Variants in SLC12A2 observed in about 807,000 individuals in gnomAD.
The protein encoded by SLC12A2 is solute carrier family 12 member 2, also known as Na-K-2Cl cotransporter 1.
A neutral mutation model predicts 136.3 loss-of-function variants in SLC12A2; 67 were observed. The observed-to-expected ratio is 0.49, with a 90% CI of 0.40 to 0.60. The LOEUF (loss-of-function observed/expected upper bound fraction) is 0.60, where lower values mean the gene tolerates loss of function less well. Ranked by LOEUF, SLC12A2 falls within the 20% of genes least tolerant of loss-of-function variation. The probability of loss-of-function intolerance (pLI) is 0.00; values close to 1 mark genes in which losing one functional copy is unlikely to be tolerated. For synonymous variants in SLC12A2, 619 were observed against 562.9 expected, an observed-to-expected ratio of 1.10 and a Z score of -1.41; for missense variants, 1,322 against 1,534.7, an observed-to-expected ratio of 0.86 and a Z score of 2.32.
intron 6 of SLC12A2, 101 bp from the exon 7 acceptor site, chr5:128,135,599 G>T: frequency 2.5e-6 from 2 of 788,146 alleles, no homozygotes; most frequent in South Asian, 3.3e-5. Context: ...GGCAAAACAA[G>T]ACAGAAATTC....
chr5:128,102,732 C>T (rs1388085284), intron 1 of SLC12A2, among the ~76,000 whole-genome samples: 1 of 150,322 alleles, frequency 6.7e-6, no homozygotes, highest in East Asian at 2.0e-4. Flanking sequence ...CTGGCCTCAG[C>T]CTCCCAAGTA....
In SLC12A2 at chr5:128,126,967, T is replaced by TA. The variant is rs1491322749; in HGVS notation, c.1049-4100_1049-4099insA. ...ATATATATATATATATATATATATA[T>TA]TTTTTTTTTTTTTTTTTTTTGCATC... On this transcript the variant is annotated intron_variant, in intron 4 of 26. Coordinates refer to ENST00000262461, the MANE Select transcript of SLC12A2 (RefSeq NM_001046.3). 3.3e-3 allele frequency among the ~76,000 whole-genome samples: 97 copies of TA among 29,570 alleles called. 1 individual carries two copies. The highest frequency in any genetic ancestry group is 0.01 in the African/African-American group (53 of 5,164). 19.4% of individuals were successfully genotyped at this position (29,570 alleles called of 152,430 possible).
chr5:128,161,764 A>T lies in SLC12A2; in HGVS notation c.2580A>T (p.Ala860=), dbSNP rs749957269. The T allele has an allele frequency of 6.6e-7, 1 of 1,504,498 alleles. No individual in the cohort carries two copies. The highest frequency in any genetic ancestry group is 2.6e-5 in the East Asian group (1 of 38,858). The allele number at this position is 1,504,498 out of a possible 1,614,324, so 93.2% of individuals were successfully genotyped here. The part of the protein sequence containing the change: ...KMKAFYAPVH[A]DDLREGAQYL... ...AGGCATTTTATGCTCCAGTACATGCAGATGACTTGAGAGAAGGTGCACAGT... is the reference window on the plus strand; with the variant it reads ...AGGCATTTTATGCTCCAGTACATGCTGATGACTTGAGAGAAGGTGCACAGT... The change falls in exon 17 of 27, where the codon GCA becomes GCT. Residue 860 remains alanine (A), a synonymous_variant. Coordinates refer to ENST00000262461, the MANE Select transcript of SLC12A2 (RefSeq NM_001046.3).
chr5:128,092,885 A>G (rs919722459), intron 1 of SLC12A2, among the ~76,000 whole-genome samples: 1 of 152,156 alleles, frequency 6.6e-6, no homozygotes, highest in Non-Finnish European at 1.5e-5. Context: ...TACTTCTGTT[A>G]AAGAAATTTG....
rs1369730059 is a variant in SLC12A2, at chr5:128,182,262, C to A, written c.3213-593C>A. ...GTTAATTGCTTTTTGTATATATGTG[C>A]ACTTCACCTGTTCTGTTGTTGCCAC... is the stretch of plus-strand genomic sequence containing the variant. On this transcript the variant is annotated intron_variant, in intron 23 of 26. Coordinates refer to ENST00000262461, the MANE Select transcript of SLC12A2 (RefSeq NM_001046.3). Among the ~76,000 whole-genome samples the A allele has an allele frequency of 2.0e-5, 3 of 152,032 alleles. No individual in the cohort carries two copies. In the East Asian group the frequency reaches 5.8e-4, roughly 29 times the overall value.
chr5:128,182,762 C>A, intron 23 of SLC12A2, 93 bp from the exon 24 acceptor site: 2 of 838,868 alleles, frequency 2.4e-6, no homozygotes, highest in Non-Finnish European at 3.8e-6. Flanking sequence ...GATAGACTGA[C>A]TTTTTCTATA....
At chr5:128,125,150 A>G (rs912999916) in intron 4 of SLC12A2, among the ~76,000 whole-genome samples, 1 of 152,360 alleles carries the variant, frequency 6.6e-6, no homozygotes, top group Non-Finnish European at 1.5e-5. Flanking sequence ...TCTTAAAACA[A>G]TAATAAGAGA....
At chr5:128,166,464 G>T (rs575361784) in intron 17 of SLC12A2, among the ~76,000 whole-genome samples, 25 of 151,602 alleles carry the variant, frequency 1.6e-4, no homozygotes, top group Admixed American at 1.2e-3. Context: ...AAACAAATGT[G>T]TGTGTGTGTG....
At chr5:128,176,672 T>C (rs1023853578) in intron 20 of SLC12A2, among the ~76,000 whole-genome samples, 1 of 152,098 alleles carries the variant, frequency 6.6e-6, no homozygotes, top group South Asian at 2.1e-4. Context: ...ACAACAAATA[T>C]CCATTAAATG....
intron 3 of SLC12A2, 103 bp from the exon 4 acceptor site, chr5:128,114,483 A>C (rs991777351): frequency 1.1e-6 from 1 of 870,438 alleles, no homozygotes; most frequent in African/African-American, 1.7e-5. Context: ...GGTAATTTAT[A>C]ACTTAAAATG....
chr5:128,109,273 C>A (rs1761051317), intron 1 of SLC12A2, among the ~76,000 whole-genome samples: 1 of 152,244 alleles, frequency 6.6e-6, no homozygotes, highest in Non-Finnish European at 1.5e-5. Flanking sequence ...TCCCTGGTGA[C>A]CCTCACCTAG....
intron 20 of SLC12A2, among the ~76,000 whole-genome samples, chr5:128,175,199 T>G (rs1185317032): frequency 2.0e-5 from 3 of 152,128 alleles, no homozygotes; most frequent in African/African-American, 7.2e-5. Context: ...AACATACTTT[T>G]GATTCCTGCA....
chr5:128,171,644 ATTTTTTGT>A lies in SLC12A2; in HGVS notation c.2724-13_2724-6del. Reference sequence around the variant, plus strand: ...TTGTGATTTTTTTTTTGGTTTTTTCATTTTTTGTTTTTTTGTTCTTAGTGATGCTTTTG... The same window carrying A: ...TTGTGATTTTTTTTTTGGTTTTTTCATTTTTTGTTCTTAGTGATGCTTTTG... On this transcript the variant is annotated splice_polypyrimidine_tract_variant and intron_variant, in intron 18 of 26. Transcript: ENST00000262461. 6.6e-7 allele frequency: 1 copy of A among 1,522,596 alleles called. No homozygotes were observed. Among genetic ancestry groups the A allele is most frequent in the Non-Finnish European group, 8.9e-7 (1 of 1,128,296 alleles). 94.3% of individuals were successfully genotyped at this position (1,522,596 alleles called of 1,614,324 possible). A position where few individuals can be genotyped will look rare whatever the true frequency, so the allele number is the denominator to read the frequency against.
rs1760808618 is a variant in SLC12A2, at chr5:128,103,224, T to C, written c.757-9590T>C. Among the ~76,000 whole-genome samples, 4 of 152,240 alleles carry C rather than the reference T, an allele frequency of 2.6e-5. No individual in the cohort carries two copies. The South Asian group carries it at 8.3e-4, about 32-fold the overall frequency. On this transcript the variant is annotated intron_variant, in intron 1 of 26. Transcript: ENST00000262461. The stretch of plus-strand genomic sequence containing the variant: ...TCTCACCGGGATCATATGAGAGTTT[T>C]TGTGTTCTGTACAATTATTGTATTT...
chr5:128,184,821 A>G lies in SLC12A2; in HGVS notation c.3468A>G (p.Leu1156=), dbSNP rs115092488. 331 of 1,607,870 alleles carry G rather than the reference A, an allele frequency of 2.1e-4. 1 individual carries two copies. The African/African-American group carries it at 3.2e-3, about 16-fold the overall frequency. ...GGCAGATCAGGTTAAATGAGTTATT[A>G]AAGGAACATTCAAGCACAGCTAATA... The part of the protein sequence containing the change: ...TYRQIRLNEL[L]KEHSSTANII... Residue 1156 remains leucine (L), a synonymous_variant, in exon 26 of 27, where the codon TTA becomes TTG. Coordinates refer to ENST00000262461, the MANE Select transcript of SLC12A2 (RefSeq NM_001046.3).
intron 20 of SLC12A2, among the ~76,000 whole-genome samples, chr5:128,176,630 T>A (rs941418435): frequency 3.3e-5 from 5 of 152,026 alleles, no homozygotes; most frequent in African/African-American, 1.2e-4. Context: ...ATCAAATTTC[T>A]TAATATTTCA....
At chr5:128,186,370 T>C (rs1271066832) in intron 26 of SLC12A2, 126 bp from the exon 27 acceptor site, 1 of 956,466 alleles carries the variant, frequency 1.0e-6, no homozygotes, top group African/African-American at 1.7e-5. Flanking sequence ...CACTCAGAAA[T>C]ATTCTGTAAT....
At chr5:128,166,351 A>G (rs1763202969) in intron 17 of SLC12A2, among the ~76,000 whole-genome samples, 1 of 152,114 alleles carries the variant, frequency 6.6e-6, no homozygotes, top group Non-Finnish European at 1.5e-5. Flanking sequence ...TACGACACCA[A>G]AAGCATGAGC....
chr5:128,124,092 C>CT, intron 4 of SLC12A2, among the ~76,000 whole-genome samples: 1 of 152,188 alleles, frequency 6.6e-6, no homozygotes, highest in Non-Finnish European at 1.5e-5. Flanking sequence ...CAGTGTGAGT[C>CT]TATTTCTAGA....
Sources: gnomAD v4.1 joint callset for allele counts (sites outside exome capture counted in the v4.1 genomes callset) on GRCh38, gnomAD v4.1.1 for gene constraint, MANE v1.5 for transcripts, NCBI Gene and HGNC (gene_info 2026-07-23, HGNC 2026-07-21) for gene names.